The following FOXP1 variants were observed in gnomAD, a reference collection of about 807,000 sequenced individuals.
FOXP1 encodes the protein forkhead box protein P1.
FOXP1 carries 15 observed loss-of-function variants against 98.2 expected under a neutral mutation model. The ratio of observed to expected loss-of-function variants is 0.15; its 90% CI spans 0.10 to 0.24. FOXP1 has a LOEUF of 0.24. Among genes scored for constraint, FOXP1 ranks in the 10% least tolerant of loss-of-function variants. The pLI is 1.00. For synonymous variants in FOXP1, 371 were observed against 314.5 expected (o/e 1.18, Z -1.90); for missense variants, 633 against 848.5 (o/e 0.75, Z 3.15).
intron 11 of FOXP1, among the ~76,000 whole-genome samples, chr3:71,030,302 T>C (rs2046689332): frequency 6.6e-6 from 1 of 152,216 alleles, no homozygotes. Flanking sequence ...ATATCTTCTA[T>C]GCCTGCCTCT....
intron 7 of FOXP1, among the ~76,000 whole-genome samples, chr3:71,102,540 G>A (rs145218043): frequency 6.6e-6 from 1 of 152,252 alleles, no homozygotes; most frequent in Non-Finnish European, 1.5e-5. Context: ...CAATTTCAAC[G>A]GCTGCCTTTA....
intron 9 of FOXP1, among the ~76,000 whole-genome samples, chr3:71,048,119 A>T (rs906183886): frequency 6.6e-6 from 1 of 152,008 alleles, no homozygotes; most frequent in African/African-American, 2.4e-5. Flanking sequence ...AAGGAAAACT[A>T]ACCCTTCCCA....
chr3:71,531,743 A>C (rs1359573447), intron 2 of FOXP1, among the ~76,000 whole-genome samples: 1 of 152,236 alleles, frequency 6.6e-6, no homozygotes, highest in Non-Finnish European at 1.5e-5. Flanking sequence ...GGATGGGCCA[A>C]CAAGTTGAAA....
chr3:71,117,140 T>G (rs1437744618), intron 6 of FOXP1, among the ~76,000 whole-genome samples: 1 of 152,060 alleles, frequency 6.6e-6, no homozygotes, highest in Non-Finnish European at 1.5e-5. Flanking sequence ...TGGGCTGAAG[T>G]GCAATAGCAC....
chr3:71,185,605 C>A (rs1379443728), intron 6 of FOXP1, among the ~76,000 whole-genome samples: 1 of 152,162 alleles, frequency 6.6e-6, no homozygotes, highest in Non-Finnish European at 1.5e-5. Context: ...TAGTCCCAGG[C>A]CATTTCCTGG....
intron 7 of FOXP1, among the ~76,000 whole-genome samples, chr3:71,056,225 T>C (rs2050619995): frequency 6.6e-6 from 1 of 152,188 alleles, no homozygotes. Context: ...AAATACTTTT[T>C]CCCCTTAACT....
intron 3 of FOXP1, among the ~76,000 whole-genome samples, chr3:71,429,277 C>T (rs1045154244): frequency 6.6e-6 from 1 of 152,044 alleles, no homozygotes; most frequent in African/African-American, 2.4e-5. Context: ...TCTGTCTTCA[C>T]CCTTTTTGGT....
In FOXP1 at chr3:71,279,899, G is replaced by A. The variant is rs543287583; in HGVS notation, c.-12+19921C>T. Among the ~76,000 whole-genome samples, 7 of 152,034 alleles carry A rather than the reference G, an allele frequency of 4.6e-5. No homozygotes were observed. The South Asian group carries it at 1.0e-3, about 23-fold the overall frequency. On this transcript the variant is annotated intron_variant, in intron 5 of 20. Transcript: ENST00000649528. ...AGCACTTTGCGAGGCCGAGGCAGGC[G>A]GATCACGAGGTCAGGAGATCGAGAC...
chr3:71,175,567 G>C (rs939847), intron 6 of FOXP1, among the ~76,000 whole-genome samples: 23,298 of 152,204 alleles, frequency 0.15, 2,099 homozygotes, highest in African/African-American at 0.25. Context: ...ATCCTCTGTA[G>C]CCTAGTTAGT....
chr3:71,248,307 G>A (rs1019077940), intron 5 of FOXP1, among the ~76,000 whole-genome samples: 8 of 151,926 alleles, frequency 5.3e-5, no homozygotes, highest in African/African-American at 1.4e-4. Flanking sequence ...AAAATCTGTA[G>A]GATCTCGTGT....
chr3:71,275,743 C>T (rs559304229), intron 5 of FOXP1, among the ~76,000 whole-genome samples: 1 of 152,224 alleles, frequency 6.6e-6, no homozygotes, highest in South Asian at 2.1e-4. Context: ...GGGCATGCGC[C>T]GTATTATTAG....
intron 2 of FOXP1, among the ~76,000 whole-genome samples, chr3:71,553,988 C>CT (rs2045950303): frequency 6.6e-6 from 1 of 152,232 alleles, no homozygotes; most frequent in South Asian, 2.1e-4. Flanking sequence ...AAGTATGGTA[C>CT]ATATTTGCTC....
At chr3:71,179,189 C>T (rs1217106618) in intron 6 of FOXP1, among the ~76,000 whole-genome samples, 2 of 137,788 alleles carry the variant, frequency 1.5e-5, no homozygotes, top group Admixed American at 8.1e-5. Context: ...GGCTGAGTAG[C>T]ACAACCTCAG....
At chr3:71,338,525 C>A (rs1246469781) in intron 4 of FOXP1, among the ~76,000 whole-genome samples, 1 of 152,146 alleles carries the variant, frequency 6.6e-6, no homozygotes, top group Admixed American at 6.5e-5. Flanking sequence ...TCTCCCAGGT[C>A]CATGCCATTC....
At chr3:71,446,101 A>C (rs1230336581) in intron 3 of FOXP1, among the ~76,000 whole-genome samples, 1 of 152,072 alleles carries the variant, frequency 6.6e-6, no homozygotes, top group Non-Finnish European at 1.5e-5. Flanking sequence ...TCAGGCATTC[A>C]ATGTGTCATC....
At chr3:71,457,959 G>C (rs2087664003) in intron 3 of FOXP1, among the ~76,000 whole-genome samples, 1 of 152,108 alleles carries the variant, frequency 6.6e-6, no homozygotes, top group Admixed American at 6.5e-5. Context: ...ACCAGTATTG[G>C]CTACAACTCC....
At chr3:71,032,016 TGA>T (rs1173083940) in intron 11 of FOXP1, among the ~76,000 whole-genome samples, 4 of 152,216 alleles carry the variant, frequency 2.6e-5, no homozygotes, top group African/African-American at 4.8e-5. Flanking sequence ...TCTTCTTGGT[TGA>T]GAGAGTACAT....
At chr3:71,401,843 C>T (rs946676378) in intron 3 of FOXP1, among the ~76,000 whole-genome samples, 8 of 152,214 alleles carry the variant, frequency 5.3e-5, no homozygotes, top group African/African-American at 1.7e-4. Flanking sequence ...AAATTTGAAT[C>T]TGTCTGTTAC....
intron 20 of FOXP1, among the ~76,000 whole-genome samples, chr3:70,962,503 A>G (rs1214114855): frequency 6.6e-6 from 1 of 152,228 alleles, no homozygotes; most frequent in Non-Finnish European, 1.5e-5. Flanking sequence ...TTTGTTGCTT[A>G]GCAGGTACAA....
Sources: gnomAD v4.1 joint callset for allele counts (sites outside exome capture counted in the v4.1 genomes callset) on GRCh38, gnomAD v4.1.1 for gene constraint, MANE v1.5 for transcripts, NCBI Gene and HGNC (gene_info 2026-07-23, HGNC 2026-07-21) for gene names.